Variants in ZFPM1 observed in about 807,000 individuals in gnomAD.
ZFPM1 encodes the protein zinc finger protein, FOG family member 1.
ZFPM1 carries 28 observed loss-of-function variants against 46.3 expected under a neutral mutation model. The ratio of observed to expected loss-of-function variants is 0.60; its 90% CI spans 0.45 to 0.83. The LOEUF is 0.83. Ranked by LOEUF, ZFPM1 falls within the 40% of genes least tolerant of loss-of-function variation. The pLI, the probability that ZFPM1 is intolerant of heterozygous loss-of-function variation, is 0.00. For missense variants in ZFPM1, 1,878 were observed against 1,432.4 expected (o/e 1.31, Z -5.02); for synonymous variants, 957 against 675.9 (o/e 1.42, Z -6.45).
chr16:88,521,204 T>TCCCCAC (rs1432573744), intron 4 of ZFPM1, among the ~76,000 whole-genome samples: 2 of 151,706 alleles, frequency 1.3e-5, no homozygotes, highest in East Asian at 1.9e-4. Context: ...TCTGTGCTGT[T>TCCCCAC]TCCCACTGCC....
intron 1 of ZFPM1, among the ~76,000 whole-genome samples, chr16:88,467,691 G>A (rs902607398): frequency 3.3e-5 from 5 of 152,158 alleles, no homozygotes; most frequent in African/African-American, 7.2e-5. Flanking sequence ...GCTGCTGGGC[G>A]TGTTGGGCAC....
intron 3 of ZFPM1, among the ~76,000 whole-genome samples, chr16:88,512,634 T>C: frequency 6.6e-6 from 1 of 151,912 alleles, no homozygotes; most frequent in Non-Finnish European, 1.5e-5. Context: ...ACAGTCCGGA[T>C]GGGATTCCAC....
chr16:88,505,891 C>T (rs1910629006), intron 3 of ZFPM1, among the ~76,000 whole-genome samples: 1 of 152,158 alleles, frequency 6.6e-6, no homozygotes, highest in African/African-American at 2.4e-5. Flanking sequence ...TGGGGCTTTC[C>T]AACCACGTGC....
intron 1 of ZFPM1, among the ~76,000 whole-genome samples, chr16:88,465,860 G>C (rs574128869): frequency 6.6e-6 from 1 of 152,240 alleles, no homozygotes; most frequent in African/African-American, 2.4e-5. Flanking sequence ...TTAGAGCCCG[G>C]CGTGCGGCTA....
chr16:88,534,518 G>T lies in ZFPM1; in HGVS notation c.2560G>T (p.Ala854Ser). The T allele has an allele frequency of 6.9e-7, 1 of 1,440,846 alleles. No individual in the cohort carries two copies. The allele number at this position is 1,440,846 out of a possible 1,614,324, so 89.3% of individuals were successfully genotyped here. A position where few individuals can be genotyped will look rare whatever the true frequency, so the allele number is the denominator to read the frequency against. Reference sequence around the variant, plus strand: ...GCCCGGCGCGCTCGGCCTGCCCGCCGCCGCCTGCCCCTACTGCCCCCCGAA... The same window carrying T: ...GCCCGGCGCGCTCGGCCTGCCCGCCTCCGCCTGCCCCTACTGCCCCCCGAA... ...PPPGALGLPA[A>S]ACPYCPPNGP... Residue 854 changes from alanine to serine, a missense_variant, in exon 10 of 10, where the codon GCC becomes TCC. Transcript: ENST00000319555.
intron 3 of ZFPM1, among the ~76,000 whole-genome samples, chr16:88,502,937 A>C (rs1038986028): frequency 6.6e-6 from 1 of 151,788 alleles, no homozygotes; most frequent in Non-Finnish European, 1.5e-5. Flanking sequence ...AGCGCTCGCC[A>C]CCCCCACCCG....
chr16:88,464,469 CA>C (rs1908039961), intron 1 of ZFPM1, among the ~76,000 whole-genome samples: 1 of 152,290 alleles, frequency 6.6e-6, no homozygotes, highest in Non-Finnish European at 1.5e-5. Flanking sequence ...GGGCCTGGAA[CA>C]GCTCAGGAAG....
intron 3 of ZFPM1, chr16:88,489,380 C>T (rs1336130324): frequency 3.7e-5 from 21 of 574,458 alleles, no homozygotes; most frequent in African/African-American, 3.1e-4. Context: ...TACAAGGAAG[C>T]GCTGGGGGGT....
chr16:88,498,540 T>A (rs1910070553), intron 3 of ZFPM1, among the ~76,000 whole-genome samples: 1 of 152,124 alleles, frequency 6.6e-6, no homozygotes. Flanking sequence ...ATCTGCTCCT[T>A]GGTGAGGGAG....
At chr16:88,533,044 A>T (rs1268898703) in intron 9 of ZFPM1, 104 bp from the exon 10 acceptor site, 1 of 1,504,508 alleles carries the variant, frequency 6.6e-7, no homozygotes, top group Non-Finnish European at 8.9e-7. Flanking sequence ...CCTTCGCTCT[A>T]AACCACTCCC....
chr16:88,518,738 T>A (rs1169106195), intron 4 of ZFPM1, among the ~76,000 whole-genome samples: 2 of 43,974 alleles, frequency 4.5e-5, no homozygotes, highest in Non-Finnish European at 9.6e-5. Flanking sequence ...GCTGAGAGGG[T>A]GGATGGATGG....
chr16:88,534,998 C>CA lies in ZFPM1; in HGVS notation c.*20dup, dbSNP rs771738228. The CA allele has an allele frequency of 7.2e-7, 1 of 1,384,184 alleles. No individual in the cohort carries two copies. Among genetic ancestry groups the CA allele is most frequent in the Non-Finnish European group, 9.5e-7 (1 of 1,056,310 alleles). 85.7% of individuals were successfully genotyped at this position (1,384,184 alleles called of 1,614,324 possible). A position where few individuals can be genotyped will look rare whatever the true frequency, so the allele number is the denominator to read the frequency against. ...GAAGTGAGCGCCCACACTACAGCCG[C>CA]AGACGCTTTGCACGCCCCGCTGCGA... On this transcript the variant is annotated 3_prime_UTR_variant, in exon 10 of 10. Coordinates refer to ENST00000319555, the MANE Select transcript of ZFPM1 (RefSeq NM_153813.3).
At chr16:88,522,062 G>A (rs1322834645) in intron 4 of ZFPM1, 5 of 152,500 alleles carry the variant, frequency 3.3e-5, no homozygotes, top group African/African-American at 4.8e-5. Flanking sequence ...ACTCACGGGA[G>A]ATGCAGTTCT....
intron 4 of ZFPM1, among the ~76,000 whole-genome samples, chr16:88,525,684 C>T (rs1467803453): frequency 5.9e-5 from 9 of 152,150 alleles, no homozygotes; most frequent in Non-Finnish European, 7.4e-5. Context: ...TGAGGGGCAG[C>T]GGCGGTCACC....
In ZFPM1 at chr16:88,533,944, C is replaced by T. The variant is rs1183919984; in HGVS notation, c.1986C>T (p.Gly662=). The change falls in exon 10 of 10, where the codon GGC becomes GGT. Residue 662 remains glycine, a synonymous_variant. Coordinates refer to ENST00000319555, the MANE Select transcript of ZFPM1 (RefSeq NM_153813.3). The part of the protein sequence containing the change: ...ATPEDGAGGR[G]SEGSQSPGSS... ...CCGAGGACGGCGCGGGCGGCCGGGG[C>T]AGCGAGGGCAGCCAGAGCCCGGGTA... is the stretch of plus-strand genomic sequence containing the variant. 7.8e-7 allele frequency: 1 copy of T among 1,276,488 alleles called. No individual in the cohort carries two copies. Among genetic ancestry groups the T allele is most frequent in the Non-Finnish European group, 1.0e-6 (1 of 991,262 alleles). The allele number at this position is 1,276,488 out of a possible 1,614,324, so 79.1% of individuals were successfully genotyped here.
At chr16:88,502,677 C>G (rs992673527) in intron 3 of ZFPM1, among the ~76,000 whole-genome samples, 1 of 152,242 alleles carries the variant, frequency 6.6e-6, no homozygotes, top group Admixed American at 6.5e-5. Flanking sequence ...TGCCCCAGCG[C>G]CAGCAGCTGC....
At position 88,534,723 on chromosome 16, in the gene ZFPM1, G is replaced by C. The variant is rs1488792452; in HGVS notation, c.2765G>C (p.Gly922Ala). The change falls in exon 10 of 10, where the codon GGC becomes GCC. Residue 922 changes from glycine to alanine, a missense_variant. Physicochemically the swap from Gly to Ala is moderately conservative, Grantham distance 60. Coordinates refer to ENST00000319555, the MANE Select transcript of ZFPM1 (RefSeq NM_153813.3). ...PGSRGPRDGL[G>A]PEPQEPPPGP... is the part of the protein sequence containing the mutation. ...TCCCGTGGCCCCCGGGACGGCCTCG[G>C]CCCGGAGCCCCAGGAGCCGCCGCCC... is the stretch of plus-strand genomic sequence containing the variant. The C allele has an allele frequency of 1.0e-6, 1 of 974,896 alleles. No individual in the cohort carries two copies. The highest frequency in any genetic ancestry group is 1.2e-6 in the Non-Finnish European group (1 of 823,572). 60.4% of individuals were successfully genotyped at this position (974,896 alleles called of 1,614,324 possible).
chr16:88,473,061 C>T (rs777566918), intron 1 of ZFPM1, among the ~76,000 whole-genome samples: 3 of 152,258 alleles, frequency 2.0e-5, no homozygotes, highest in African/African-American at 4.8e-5. Context: ...CCCGTGGGAC[C>T]GGGCAGCCTC....
At position 88,453,621 on chromosome 16, in the gene ZFPM1, G is replaced by C. The variant is rs1478733496; in HGVS notation, c.-18G>C. ...GGGGCTAGAGGCGGCCGCCGGGAGG[G>C]CGCGCGGCGCCGGAGACATGTCCAG... On this transcript the variant is annotated 5_prime_UTR_variant, in exon 1 of 10. Transcript: ENST00000319555. 9.0e-7 allele frequency: 1 copy of C among 1,111,790 alleles called. No individual in the cohort carries two copies. The allele number at this position is 1,111,790 out of a possible 1,614,324, so 68.9% of individuals were successfully genotyped here. A position where few individuals can be genotyped will look rare whatever the true frequency, so the allele number is the denominator to read the frequency against.
Sources: allele counts gnomAD v4.1 joint callset (sites outside exome capture counted in the v4.1 genomes callset), GRCh38; gene constraint gnomAD v4.1.1; transcripts MANE v1.5; gene names NCBI Gene and HGNC (gene_info 2026-07-23, HGNC 2026-07-21).